The following CHD9 variants were observed in gnomAD, a reference collection of about 807,000 sequenced individuals.
The protein encoded by CHD9 is ATP-dependent chromatin remodeler CHD9.
CHD9 carries 77 observed loss-of-function variants against 316.1 expected under a neutral mutation model. The ratio of observed to expected loss-of-function variants is 0.24; its 90% CI spans 0.20 to 0.29. CHD9 has a LOEUF of 0.29. Ranked by LOEUF, CHD9 falls within the 10% of genes least tolerant of loss-of-function variation. CHD9 has a pLI of 1.00. For missense variants in CHD9, 2,763 were observed against 3,438.1 expected (o/e 0.80, Z 4.91); for synonymous variants, 1,129 against 1,158.3 (o/e 0.97, Z 0.51).
chr16:53,140,110 T>G (rs1181434134), intron 1 of CHD9, among the ~76,000 whole-genome samples: 1 of 151,586 alleles, frequency 6.6e-6, no homozygotes, highest in African/African-American at 2.4e-5. Flanking sequence ...AAAAAAAAAT[T>G]CTGCATTTAA....
chr16:53,254,336 A>T, intron 17 of CHD9, 102 bp from the exon 18 acceptor site: 1 of 754,116 alleles, frequency 1.3e-6, no homozygotes, highest in Non-Finnish European at 2.0e-6. Context: ...TTCAATAAAA[A>T]TGGTCTAAGA....
intron 1 of CHD9, among the ~76,000 whole-genome samples, chr16:53,073,360 C>G (rs2152520111): frequency 6.6e-6 from 1 of 152,328 alleles, no homozygotes; most frequent in Middle Eastern, 3.4e-3. Flanking sequence ...TGTTTATGTA[C>G]CACAGTCTTA....
At chr16:53,188,602 CT>C (rs369979479) in intron 2 of CHD9, among the ~76,000 whole-genome samples, 153 of 71,222 alleles carry the variant, frequency 2.1e-3, no homozygotes, top group African/African-American at 6.6e-3. Flanking sequence ...TGGTCATTAC[CT>C]TTTTTTTTTT....
rs2051501343 is a variant in CHD9, at chr16:53,264,909, G to A, written c.4320+1812G>A. Among the ~76,000 whole-genome samples the A allele has an allele frequency of 2.0e-5, 3 of 152,302 alleles. No homozygotes were observed. In the South Asian group the frequency reaches 6.2e-4, roughly 32 times the overall value. Reference sequence around the variant, plus strand: ...GTGGTAATAGATGAGGTCAGAGACTGAAGACATGGGCCAAATCAACAGGGC... The same window carrying A: ...GTGGTAATAGATGAGGTCAGAGACTAAAGACATGGGCCAAATCAACAGGGC... On this transcript the variant is annotated intron_variant, in intron 20 of 38. Coordinates refer to ENST00000447540, the MANE Select transcript of CHD9 (RefSeq NM_001308319.2).
chr16:53,255,846 A>G, intron 19 of CHD9, 67 bp downstream of exon 19: 3 of 1,369,978 alleles, frequency 2.2e-6, no homozygotes, highest in East Asian at 2.3e-5. Context: ...AGAAAGTTTA[A>G]TTATCTCTTA....
At chr16:53,314,713 G>T in intron 35 of CHD9, 110 bp from the exon 36 acceptor site, 1 of 1,084,526 alleles carries the variant, frequency 9.2e-7, no homozygotes, top group East Asian at 2.5e-5. Context: ...AGATTTAGCA[G>T]AATTTTTAGC....
In CHD9 at chr16:53,238,501, C is replaced by T; in HGVS notation, c.2792C>T (p.Thr931Ile). 1.2e-6 allele frequency: 2 copies of T among 1,613,080 alleles called. No individual in the cohort carries two copies. Among genetic ancestry groups the T allele is most frequent in the Non-Finnish European group, 1.7e-6 (2 of 1,179,326 alleles). The change falls in exon 12 of 39, where the codon ACT becomes ATT. Residue 931 changes from threonine (T) to isoleucine (I), a missense_variant. Physicochemically the swap from Thr to Ile is moderately conservative, Grantham distance 89. Transcript: ENST00000447540. ...TGGGAGAGAGAATTTCGTACGTGGA[C>T]TGATATTAACGTTGTGGTTTATCAT... ...ANWEREFRTW[T>I]DINVVVYHGS...
At chr16:53,319,760 T>G in intron 37 of CHD9, 1 of 1,076,082 alleles carries the variant, frequency 9.3e-7, no homozygotes, top group Non-Finnish European at 1.2e-6. Context: ...AGAGGTTTGT[T>G]CATGTTCCTT....
intron 29 of CHD9, among the ~76,000 whole-genome samples, chr16:53,293,517 A>C (rs183709959): frequency 6.6e-6 from 1 of 152,086 alleles, no homozygotes; most frequent in African/African-American, 2.4e-5. Flanking sequence ...TCGGGAGACT[A>C]AAGTGGGAGT....
At chr16:53,078,764 T>A (rs2034770941) in intron 1 of CHD9, among the ~76,000 whole-genome samples, 1 of 152,194 alleles carries the variant, frequency 6.6e-6, no homozygotes. Context: ...TAACTCCTCA[T>A]GGCTCCTGGC....
chr16:53,165,286 A>G (rs956392696), intron 2 of CHD9, among the ~76,000 whole-genome samples: 5 of 152,220 alleles, frequency 3.3e-5, no homozygotes, highest in African/African-American at 1.2e-4. Context: ...TATAACATTC[A>G]TATTGCCTAT....
intron 1 of CHD9, among the ~76,000 whole-genome samples, chr16:53,104,788 G>T (rs1404308971): frequency 6.7e-6 from 1 of 150,324 alleles, no homozygotes. Context: ...CTCCAGCCCG[G>T]GTGACAGAAT....
chr16:53,174,239 G>A (rs1199110099), intron 2 of CHD9, among the ~76,000 whole-genome samples: 2 of 152,148 alleles, frequency 1.3e-5, no homozygotes, highest in South Asian at 2.1e-4. Context: ...AACCAAGATC[G>A]TGCCACTACA....
At chr16:53,269,758 A>G (rs554338893) in intron 22 of CHD9, among the ~76,000 whole-genome samples, 2 of 152,154 alleles carry the variant, frequency 1.3e-5, no homozygotes, top group African/African-American at 4.8e-5. Flanking sequence ...GTGAATAGAG[A>G]GGTATCTATT....
chr16:53,263,100 A>G lies in CHD9; in HGVS notation c.4320+3A>G, dbSNP rs531579720. The G allele has an allele frequency of 6.2e-7, 1 of 1,601,450 alleles. No individual in the cohort carries two copies. The highest frequency in any genetic ancestry group is 2.2e-5 in the East Asian group (1 of 44,708). ...ATATAGAGGCCATCAGTGGCAGAGT[A>G]AGTATTTTTATCCCTCTAAAATAAA... On this transcript the variant is annotated splice_donor_region_variant and intron_variant, in intron 20 of 38. Coordinates refer to ENST00000447540, the MANE Select transcript of CHD9 (RefSeq NM_001308319.2).
chr16:53,233,157 T>A (rs1286044250), intron 10 of CHD9, among the ~76,000 whole-genome samples: 1 of 152,136 alleles, frequency 6.6e-6, no homozygotes, highest in African/African-American at 2.4e-5. Flanking sequence ...GCCCCCTCCT[T>A]TCCACCAGTC....
At chr16:53,146,634 C>CA (rs1405969630) in intron 1 of CHD9, among the ~76,000 whole-genome samples, 1 of 147,672 alleles carries the variant, frequency 6.8e-6, no homozygotes, top group Non-Finnish European at 1.5e-5. Flanking sequence ...CCCATCTCTG[C>CA]AAAAAAATAC....
chr16:53,175,105 G>C (rs1026590164), intron 2 of CHD9, among the ~76,000 whole-genome samples: 2 of 152,086 alleles, frequency 1.3e-5, no homozygotes, highest in Non-Finnish European at 2.9e-5. Context: ...TTTTTACTGT[G>C]GCTAATGGGA....
At chr16:53,089,244 C>T in intron 1 of CHD9, among the ~76,000 whole-genome samples, 1 of 152,152 alleles carries the variant, frequency 6.6e-6, no homozygotes, top group East Asian at 1.9e-4. Context: ...TATGATGGTG[C>T]CACTGCACTC....
Sources: gnomAD v4.1 joint callset for allele counts (sites outside exome capture counted in the v4.1 genomes callset) on GRCh38, gnomAD v4.1.1 for gene constraint, MANE v1.5 for transcripts, NCBI Gene and HGNC (gene_info 2026-07-23, HGNC 2026-07-21) for gene names.